Variants in RFPL1 observed in about 807,000 individuals in gnomAD.
The protein encoded by RFPL1 is ret finger protein like 1.
RFPL1 carries 6 observed loss-of-function variants against 9.6 expected under a neutral mutation model. The ratio of observed to expected loss-of-function variants is 0.62; its 90% CI spans 0.34 to 1.23. The LOEUF is 1.23. RFPL1 is among the 50% of genes most tolerant of loss of function. The probability of loss-of-function intolerance (pLI) is 0.03; values close to 1 mark genes in which losing one functional copy is unlikely to be tolerated. For synonymous variants in RFPL1, 145 were observed against 149.4 expected (o/e 0.97, Z 0.22); for missense variants, 352 against 398.4 (o/e 0.88, Z 0.99).
At chr22:29,408,534 C>T in the RFPL1 span, among the ~76,000 whole-genome samples, 3 of 152,206 alleles carry the variant, frequency 2.0e-5, no homozygotes, top group Non-Finnish European at 2.9e-5. Flanking sequence ...CGTCTGCACA[C>T]GGCGGTGTGG....
At chr22:29,414,796 T>A in the RFPL1 span, among the ~76,000 whole-genome samples, 1 of 152,018 alleles carries the variant, frequency 6.6e-6, no homozygotes, top group East Asian at 1.9e-4. Flanking sequence ...GATTTTTGAG[T>A]TATGAAGCTA....
At chr22:29,411,003 C>G in the RFPL1 span, among the ~76,000 whole-genome samples, 3 of 152,146 alleles carry the variant, frequency 2.0e-5, no homozygotes, top group African/African-American at 7.2e-5. Flanking sequence ...GAAGAACACC[C>G]GCCCCATCCT....
chr22:29,394,498 A>G, the RFPL1 span, among the ~76,000 whole-genome samples: 3 of 152,116 alleles, frequency 2.0e-5, no homozygotes, highest in African/African-American at 7.2e-5. Flanking sequence ...ACCCACCACC[A>G]TGCCTGGCTA....
the RFPL1 span, among the ~76,000 whole-genome samples, chr22:29,399,994 C>CTTTTT: frequency 9.9e-4 from 115 of 116,220 alleles, no homozygotes; most frequent in Non-Finnish European, 1.6e-3. Context: ...CTTTTCTTTT[C>CTTTTT]TTTTTTTTTT....
At chr22:29,441,656 T>A (rs774918682) in exon 2 of RFPL1, 2 of 1,613,898 alleles carry the variant, frequency 1.2e-6, no homozygotes, top group Non-Finnish European at 8.5e-7. Flanking sequence ...GCCGAGAGAT[T>A]TGACGTGTCC....
chr22:29,398,224 C>T, the RFPL1 span, among the ~76,000 whole-genome samples: 1 of 152,198 alleles, frequency 6.6e-6, no homozygotes, highest in East Asian at 1.9e-4. Flanking sequence ...TAATTACCAA[C>T]AGTGATCCAC....
At chr22:29,395,961 AG>A in the RFPL1 span, among the ~76,000 whole-genome samples, 1 of 152,140 alleles carries the variant, frequency 6.6e-6, no homozygotes, top group African/African-American at 2.4e-5. Context: ...CAACAGAGCG[AG>A]ACTCTGTCGA....
At chr22:29,397,231 C>G in the RFPL1 span, among the ~76,000 whole-genome samples, 5 of 152,168 alleles carry the variant, frequency 3.3e-5, no homozygotes, top group Non-Finnish European at 7.4e-5. Context: ...TTAAGTAGTT[C>G]CCACAATGAC....
chr22:29,427,738 T>TG, the RFPL1 span, among the ~76,000 whole-genome samples: 1 of 152,032 alleles, frequency 6.6e-6, no homozygotes, highest in African/African-American at 2.4e-5. Flanking sequence ...GGGTGAAGGG[T>TG]GGAGGCCAAA....
the RFPL1 span, among the ~76,000 whole-genome samples, chr22:29,412,209 A>G: frequency 6.6e-6 from 1 of 152,200 alleles, no homozygotes; most frequent in Non-Finnish European, 1.5e-5. Flanking sequence ...GTCAGGCCAG[A>G]CACAGAGAGG....
At chr22:29,412,413 G>A in the RFPL1 span, among the ~76,000 whole-genome samples, 1 of 152,044 alleles carries the variant, frequency 6.6e-6, no homozygotes, top group African/African-American at 2.4e-5. Flanking sequence ...AGCAGGGGAG[G>A]TGGGGAGGGA....
upstream of RFPL1, chr22:29,438,425 C>T (rs2062819532): frequency 4.0e-6 from 1 of 252,754 alleles, no homozygotes; most frequent in Middle Eastern, 1.4e-3. Flanking sequence ...TCAGATGATC[C>T]ACTCACGTCA....
the RFPL1 span, among the ~76,000 whole-genome samples, chr22:29,410,055 G>A: frequency 0.026 from 3,872 of 151,520 alleles, 167 homozygotes; most frequent in African/African-American, 0.089. Flanking sequence ...CATTCGGGGG[G>A]CCAGTGACTT....
chr22:29,391,680 T>C, the RFPL1 span, among the ~76,000 whole-genome samples: 1 of 152,180 alleles, frequency 6.6e-6, no homozygotes, highest in African/African-American at 2.4e-5. Flanking sequence ...TTGCGCTGTC[T>C]TGCCGAATGA....
At chr22:29,406,248 A>G in the RFPL1 span, among the ~76,000 whole-genome samples, 1 of 135,496 alleles carries the variant, frequency 7.4e-6, no homozygotes, top group Non-Finnish European at 1.5e-5. Context: ...GGAGCCATAC[A>G]CGCTCCCTCT....
chr22:29,441,529 T>C lies in RFPL1; in HGVS notation c.374-13T>C. The C allele has an allele frequency of 6.2e-7, 1 of 1,602,710 alleles. No individual in the cohort carries two copies. The highest frequency in any genetic ancestry group is 8.5e-7 in the Non-Finnish European group (1 of 1,171,930). On this transcript the variant is annotated splice_polypyrimidine_tract_variant and intron_variant, in intron 1 of 1. Transcript: ENST00000354373. ...CTGTCCATTTTCTGATCAACTTTTT[T>C]TCCTTTTCACAGTGGATATGACCTT...
At chr22:29,435,211 G>A (rs754375953), upstream of RFPL1, among the ~76,000 whole-genome samples, 8 of 152,272 alleles carry the variant, frequency 5.3e-5, no homozygotes, top group Middle Eastern at 3.4e-3. Flanking sequence ...TTTATGGGCC[G>A]TGGCTCCGTG....
chr22:29,437,648 A>C, upstream of RFPL1: 6 of 1,596,536 alleles, frequency 3.8e-6, no homozygotes, highest in Non-Finnish European at 5.1e-6. Context: ...TCACCAATAA[A>C]ACGCCCTCAT....
At chr22:29,410,453 GATATATATATCTATATAT>G in the RFPL1 span, among the ~76,000 whole-genome samples, 2 of 76,060 alleles carry the variant, frequency 2.6e-5, no homozygotes, top group African/African-American at 8.2e-5. Flanking sequence ...TCTATATATA[GATATATATATCTATATAT>G]AGATATATAT....
Sources: allele counts gnomAD v4.1 joint callset (sites outside exome capture counted in the v4.1 genomes callset), GRCh38; gene constraint gnomAD v4.1.1; transcripts MANE v1.5; gene names NCBI Gene and HGNC (gene_info 2026-07-23, HGNC 2026-07-21).